The following VIT variants were observed in gnomAD, a reference collection of about 807,000 sequenced individuals.
VIT encodes the protein vitrin.
In VIT, 99 loss-of-function variants were observed where a neutral mutation model predicts 78.0. That is an observed-to-expected ratio of 1.27 (90% CI 1.08 to 1.50). VIT has a LOEUF of 1.50. VIT is among the 40% of genes most tolerant of loss of function. The pLI is 0.00. For synonymous variants in VIT, 374 were observed against 334.3 expected, an observed-to-expected ratio of 1.12 and a Z score of -1.29; for missense variants, 1,126 against 875.3, an observed-to-expected ratio of 1.29 and a Z score of -3.61.
intron 6 of VIT, among the ~76,000 whole-genome samples, chr2:36,764,295 T>C (rs192903244): frequency 1.3e-3 from 199 of 152,354 alleles, no homozygotes; most frequent in African/African-American, 4.6e-3. Context: ...TCATAAAATA[T>C]ACAAGTGGAT....
At chr2:36,779,043 C>A (rs923562034) in intron 9 of VIT, among the ~76,000 whole-genome samples, 14 of 152,240 alleles carry the variant, frequency 9.2e-5, no homozygotes, top group African/African-American at 3.4e-4. Flanking sequence ...GGAACCAGCA[C>A]CAAGATCACA....
At chr2:36,774,114 C>A (rs1300588110) in intron 8 of VIT, among the ~76,000 whole-genome samples, 1 of 152,130 alleles carries the variant, frequency 6.6e-6, no homozygotes, top group Non-Finnish European at 1.5e-5. Flanking sequence ...AGTAACCGGG[C>A]TCTTACAGAC....
At chr2:36,751,371 G>C (rs1230944046) in intron 4 of VIT, among the ~76,000 whole-genome samples, 2 of 152,212 alleles carry the variant, frequency 1.3e-5, no homozygotes, top group African/African-American at 4.8e-5. Context: ...ACTCCAGCCT[G>C]GGTAACAGAG....
intron 1 of VIT, among the ~76,000 whole-genome samples, chr2:36,706,405 A>T (rs1437424587): frequency 6.6e-6 from 1 of 152,220 alleles, no homozygotes; most frequent in Non-Finnish European, 1.5e-5. Flanking sequence ...GCTCAAAAAC[A>T]TCAATATCAT....
chr2:36,813,841 C>T (rs1415570169), intron 15 of VIT, among the ~76,000 whole-genome samples: 3 of 152,182 alleles, frequency 2.0e-5, no homozygotes, highest in African/African-American at 7.2e-5. Context: ...AATATCTTCC[C>T]CTCTTCTATT....
rs763605688 is a variant in VIT at position 36,755,046 on chromosome 2, T to C, written c.401T>C (p.Ile134Thr). The change falls in exon 5 of 16, where the codon ATC (isoleucine) becomes ACC (threonine). Residue 134 changes from isoleucine (I) to threonine (T), a missense_variant. Physicochemically the swap from Ile to Thr is moderately conservative, Grantham distance 89. Coordinates refer to ENST00000379242, the MANE Select transcript of VIT (RefSeq NM_053276.4). ...CTACCACGATGGAGAGAATCCTTTA[T>C]CGTCTTAGGTATGACCACACACTGG... ...LSLPRWRESF[I>T]VLESKPKKGV... 6.2e-7 allele frequency: 1 copy of C among 1,614,112 alleles called. No individual in the cohort carries two copies. Among genetic ancestry groups the C allele is most frequent in the Admixed American group, 1.7e-5 (1 of 60,028 alleles).
In VIT at chr2:36,808,754, C is replaced by T. The variant is rs374139011; in HGVS notation, c.1672C>T (p.Gln558Ter). ...CGGGGCCGTGCAGTACACCTACGAACAGCGGCTGGAGTTTGGGTTCGACAA... is the reference window on the plus strand; with the variant it reads ...CGGGGCCGTGCAGTACACCTACGAATAGCGGCTGGAGTTTGGGTTCGACAA... ...RIGAVQYTYE[Q>*]RLEFGFDKYS... Residue 558 changes from glutamine (Q) to a stop codon, truncating the protein, a stop_gained, in exon 15 of 16, where the codon CAG becomes TAG. Coordinates refer to ENST00000379242, the MANE Select transcript of VIT (RefSeq NM_053276.4). LOFTEE classifies it high-confidence loss of function. 2 of 1,614,080 alleles carry T rather than the reference C, an allele frequency of 1.2e-6. No homozygotes were observed. The highest frequency in any genetic ancestry group is 1.7e-6 in the Non-Finnish European group (2 of 1,179,942).
intron 4 of VIT, among the ~76,000 whole-genome samples, chr2:36,753,173 T>A (rs901685533): frequency 1.4e-5 from 2 of 143,092 alleles, no homozygotes; most frequent in Admixed American, 1.5e-4. Context: ...CACGGAAACA[T>A]GAGTTGGGGA....
chr2:36,793,125 C>T (rs896640023), intron 12 of VIT, among the ~76,000 whole-genome samples: 2 of 152,152 alleles, frequency 1.3e-5, no homozygotes, highest in Non-Finnish European at 1.5e-5. Flanking sequence ...CCCCAACACT[C>T]ACTGAGCCCT....
intron 12 of VIT, among the ~76,000 whole-genome samples, chr2:36,797,639 A>G (rs1233583543): frequency 6.6e-6 from 1 of 152,124 alleles, no homozygotes; most frequent in East Asian, 1.9e-4. Flanking sequence ...CATTTTATGT[A>G]TATGTGAGGT....
rs553499514 is a variant in VIT at position 36,782,386 on chromosome 2, A to T, written c.847+615A>T. 1.1e-4 allele frequency among the ~76,000 whole-genome samples: 16 copies of T among 152,308 alleles called. No individual in the cohort carries two copies. The South Asian group carries it at 2.5e-3, about 24-fold the overall frequency. On this transcript the variant is annotated intron_variant, in intron 10 of 15. Transcript: ENST00000379242. ...AGTGAATGTTTAAAATGATGTGAGG[A>T]AGTGGGATGAGCTAGCTGACCTTTA...
chr2:36,771,060 A>G (rs1356035350), intron 7 of VIT, among the ~76,000 whole-genome samples: 1 of 152,184 alleles, frequency 6.6e-6, no homozygotes, highest in African/African-American at 2.4e-5. Context: ...ACCAACACTC[A>G]TCTCACCAGT....
intron 3 of VIT, among the ~76,000 whole-genome samples, chr2:36,742,809 G>A (rs1402053715): frequency 6.6e-6 from 1 of 152,162 alleles, no homozygotes; most frequent in South Asian, 2.1e-4. Context: ...ACTGGAGGTG[G>A]GTGGTCTTTT....
intron 3 of VIT, among the ~76,000 whole-genome samples, chr2:36,740,188 AAG>A (rs1431196066): frequency 2.0e-5 from 3 of 152,220 alleles, no homozygotes; most frequent in African/African-American, 7.2e-5. Flanking sequence ...CAACCAAAGA[AAG>A]AGGAAGAAAG....
chr2:36,751,385 G>A (rs1275203750), intron 4 of VIT, among the ~76,000 whole-genome samples: 2 of 152,190 alleles, frequency 1.3e-5, no homozygotes, highest in African/African-American at 4.8e-5. Context: ...AACAGAGTGA[G>A]ACCCTATCTC....
chr2:36,759,240 A>AT, intron 6 of VIT, 194 bp downstream of exon 6: 1 of 1,514,666 alleles, frequency 6.6e-7, no homozygotes, highest in East Asian at 2.5e-5. Flanking sequence ...TGAAAGCTTT[A>AT]TTTTTTGTTT....
intron 12 of VIT, among the ~76,000 whole-genome samples, chr2:36,793,707 G>T (rs1665660489): frequency 1.9e-5 from 2 of 105,486 alleles, no homozygotes; most frequent in Non-Finnish European, 4.1e-5. Context: ...TAAGTTGATG[G>T]CTTGTTTGAG....
chr2:36,807,569 C>A (rs748963276), intron 14 of VIT, among the ~76,000 whole-genome samples: 1 of 152,206 alleles, frequency 6.6e-6, no homozygotes, highest in Non-Finnish European at 1.5e-5. Flanking sequence ...TTGAAGCCAT[C>A]TCTTGTTCTA....
At chr2:36,708,993 T>C (rs1665627721) in intron 1 of VIT, among the ~76,000 whole-genome samples, 1 of 151,954 alleles carries the variant, frequency 6.6e-6, no homozygotes. Context: ...CTACTAAAAA[T>C]ACAAAAATTA....
Sources: allele counts gnomAD v4.1 joint callset (sites outside exome capture counted in the v4.1 genomes callset), GRCh38; gene constraint gnomAD v4.1.1; transcripts MANE v1.5; gene names NCBI Gene and HGNC (gene_info 2026-07-23, HGNC 2026-07-21).